Variants in GALNT2 observed in about 807,000 individuals in gnomAD.
GALNT2 encodes the protein UDP-GalNAc:polypeptide N-acetylgalactosaminyltransferase 2.
GALNT2 carries 31 observed loss-of-function variants against 81.4 expected under a neutral mutation model. The observed-to-expected ratio is 0.38, with a 90% CI of 0.29 to 0.51. GALNT2 has a LOEUF of 0.51. GALNT2 is among the 20% of genes least tolerant of loss of function. The probability of loss-of-function intolerance (pLI) is 0.87; values close to 1 mark genes in which losing one functional copy is unlikely to be tolerated. For synonymous variants in GALNT2, 303 were observed against 287.4 expected, an observed-to-expected ratio of 1.05 and a Z score of -0.55; for missense variants, 629 against 765.7, an observed-to-expected ratio of 0.82 and a Z score of 2.11.
chr1:230,257,705 T>G lies in GALNT2; in HGVS notation c.1136+2361T>G, dbSNP rs1331733217. On this transcript the variant is annotated intron_variant, in intron 11 of 15. Coordinates refer to ENST00000366672, the MANE Select transcript of GALNT2 (RefSeq NM_004481.5). This position sits in a 1 kb window ranked among gnomAD's most constrained non-coding sequence, Gnocchi z 4.6. ...CACCTGGCTGTACCTGGAGCAGGTG[T>G]GTAGCAGTGGAGATGGGGTGAGATC... Among the ~76,000 whole-genome samples the G allele has an allele frequency of 6.6e-6, 1 of 152,170 alleles. No homozygotes were observed. The highest frequency in any genetic ancestry group is 2.4e-5 in the African/African-American group (1 of 41,432).
intron 11 of GALNT2, among the ~76,000 whole-genome samples, chr1:230,261,332 A>G (rs1269606286): frequency 6.6e-6 from 1 of 152,204 alleles, no homozygotes; most frequent in African/African-American, 2.4e-5. Context: ...CCATACAGAA[A>G]TTATTTTAAT....
chr1:230,201,681 C>A (rs1001097579), intron 2 of GALNT2, among the ~76,000 whole-genome samples: 1 of 152,194 alleles, frequency 6.6e-6, no homozygotes, highest in Admixed American at 6.5e-5. Context: ...GCCCTGCCTT[C>A]CCCTCTCCAA....
intron 1 of GALNT2, among the ~76,000 whole-genome samples, chr1:230,167,979 T>C (rs1662667439): frequency 6.6e-6 from 1 of 151,892 alleles, no homozygotes; most frequent in Non-Finnish European, 1.5e-5. Context: ...CTTTTTTTTG[T>C]AAAGAGACAT....
intron 2 of GALNT2, among the ~76,000 whole-genome samples, chr1:230,190,233 C>T (rs568619723): frequency 6.6e-6 from 1 of 152,292 alleles, no homozygotes; most frequent in East Asian, 1.9e-4. Context: ...ATAATTCTAC[C>T]ATCCAGAAAC....
chr1:230,158,834 A>AT (rs769167783), intron 1 of GALNT2, among the ~76,000 whole-genome samples: 19 of 152,220 alleles, frequency 1.2e-4, no homozygotes, highest in African/African-American at 4.3e-4. Flanking sequence ...AGTTGGATGA[A>AT]TGCCATCTGA....
chr1:230,189,577 G>A (rs1270097162), intron 2 of GALNT2, among the ~76,000 whole-genome samples: 1 of 152,230 alleles, frequency 6.6e-6, no homozygotes, highest in Non-Finnish European at 1.5e-5. Flanking sequence ...AGAGAGGAGT[G>A]TTCCCCGACC....
At chr1:230,155,972 G>A (rs1004119827) in intron 1 of GALNT2, among the ~76,000 whole-genome samples, 8 of 152,162 alleles carry the variant, frequency 5.3e-5, no homozygotes, top group African/African-American at 1.9e-4. Context: ...TCAGTGCTAA[G>A]GGCCTGTGTG....
At chr1:230,214,737 T>C (rs1368838942) in intron 3 of GALNT2, among the ~76,000 whole-genome samples, 1 of 152,228 alleles carries the variant, frequency 6.6e-6, no homozygotes. Flanking sequence ...CTCCTCTTCC[T>C]CTGAGACCCT....
intron 1 of GALNT2, among the ~76,000 whole-genome samples, chr1:230,165,710 G>A (rs954716545): frequency 5.3e-5 from 8 of 152,246 alleles, no homozygotes; most frequent in Non-Finnish European, 1.0e-4. Flanking sequence ...CAAATAAGTG[G>A]CGCCAGAGGT....
At chr1:230,235,221 A>G (rs1353445827) in intron 3 of GALNT2, among the ~76,000 whole-genome samples, 10 of 151,506 alleles carry the variant, frequency 6.6e-5, no homozygotes, top group South Asian at 2.1e-4. Flanking sequence ...CTCAAAAAAA[A>G]AAAAAAAAAA....
chr1:230,262,380 G>A (rs930443374), intron 11 of GALNT2, 193 bp from the exon 12 acceptor site: 48 of 566,074 alleles, frequency 8.5e-5, no homozygotes, highest in African/African-American at 7.5e-4. Context: ...CACCCGCTGA[G>A]GCTGGCTCCC....
chr1:230,120,596 G>A (rs556578930), intron 1 of GALNT2, among the ~76,000 whole-genome samples: 1 of 152,280 alleles, frequency 6.6e-6, no homozygotes, highest in South Asian at 2.1e-4. Context: ...GATCAGTCAT[G>A]AAAATGGCTG....
chr1:230,085,332 T>C (rs1659866847), intron 1 of GALNT2, among the ~76,000 whole-genome samples: 1 of 152,190 alleles, frequency 6.6e-6, no homozygotes, highest in Non-Finnish European at 1.5e-5. Flanking sequence ...TCTGAGCCCC[T>C]ATCCTGTCCC....
chr1:230,208,997 G>A (rs1664151529), intron 3 of GALNT2, among the ~76,000 whole-genome samples: 1 of 151,966 alleles, frequency 6.6e-6, no homozygotes. Flanking sequence ...AATGGCCACA[G>A]GGCTTCCTGT....
rs1664805974 is a variant in GALNT2, at chr1:230,229,331, T to C, written c.375-6683T>C. On this transcript the variant is annotated intron_variant, in intron 3 of 15. Transcript: ENST00000366672. Reference sequence around the variant, plus strand: ...ACCATCCAGTCAGCTCCTAAGCATATAAGATGATATGTGGCCTCTCTAGTA... The same window carrying C: ...ACCATCCAGTCAGCTCCTAAGCATACAAGATGATATGTGGCCTCTCTAGTA... 3.3e-5 allele frequency among the ~76,000 whole-genome samples: 5 copies of C among 152,158 alleles called. No individual in the cohort carries two copies. The South Asian group carries it at 8.3e-4, about 25-fold the overall frequency.
chr1:230,067,597 G>C (rs1349086769), intron 1 of GALNT2, among the ~76,000 whole-genome samples, 191 bp downstream of exon 1: 1 of 151,682 alleles, frequency 6.6e-6, no homozygotes, highest in Non-Finnish European at 1.5e-5. Flanking sequence ...CGCACGCCGG[G>C]CTCCGAAAGG....
chr1:230,143,079 A>G (rs6541294), intron 1 of GALNT2, among the ~76,000 whole-genome samples: 117,844 of 152,070 alleles, frequency 0.77, 46,218 homozygotes, highest in Admixed American at 0.81. Context: ...GCAGCTGGTG[A>G]AGAGAATGGT....
intron 1 of GALNT2, among the ~76,000 whole-genome samples, chr1:230,085,743 T>C (rs908118877): frequency 2.2e-4 from 33 of 152,260 alleles, no homozygotes; most frequent in African/African-American, 7.7e-4. Context: ...TGAGGTTCTC[T>C]TATTCATTGC....
At chr1:230,134,613 A>G (rs1034362299) in intron 1 of GALNT2, among the ~76,000 whole-genome samples, 4 of 152,090 alleles carry the variant, frequency 2.6e-5, no homozygotes, top group African/African-American at 9.7e-5. Flanking sequence ...CCTGGTGGAG[A>G]GGAGCAGCTT....
Sources: gnomAD v4.1 joint callset for allele counts (sites outside exome capture counted in the v4.1 genomes callset) on GRCh38, gnomAD v4.1.1 for gene constraint, Gnocchi (gnomAD v3.1) non-coding constraint, MANE v1.5 for transcripts, NCBI Gene and HGNC (gene_info 2026-07-23, HGNC 2026-07-21) for gene names.